NNMT: variants seen among roughly 807,000 people sequenced by gnomAD.
NNMT encodes the protein nicotinamide N-methyltransferase.
In NNMT, 10 loss-of-function variants were observed where a neutral mutation model predicts 11.7. The ratio of observed to expected loss-of-function variants is 0.85; its 90% confidence interval spans 0.53 to 1.45. The LOEUF is 1.45. Ranked by LOEUF, NNMT falls within the 40% of genes most tolerant of loss-of-function variation. The pLI is 0.00. For synonymous variants in NNMT, 143 were observed against 133.8 expected (o/e 1.07, Z -0.48); for missense variants, 381 against 319.4 (o/e 1.19, Z -1.47).
rs151296422 is a variant in NNMT at position 114,312,575 on chromosome 11, G to T, written c.*98G>T. On this transcript the variant is annotated 3_prime_UTR_variant, in exon 3 of 3. Transcript: ENST00000299964. ...GTCATGTGCTGAGTAGAGGCTCAGTGGTTGGGGCCCAATGGTTCATCTAGG... is the reference window on the plus strand; with the variant it reads ...GTCATGTGCTGAGTAGAGGCTCAGTTGTTGGGGCCCAATGGTTCATCTAGG... 5 of 1,230,478 alleles carry T rather than the reference G, an allele frequency of 4.1e-6. No individual in the cohort carries two copies. In the Admixed American group the frequency reaches 7.9e-5, roughly 20 times the overall value. 76.2% of individuals were successfully genotyped at this position (1,230,478 alleles called of 1,614,324 possible).
chr11:114,262,181 T>A (rs1423868659), intron 1 of NNMT, among the ~76,000 whole-genome samples: 1 of 152,190 alleles, frequency 6.6e-6, no homozygotes, highest in Non-Finnish European at 1.5e-5. Flanking sequence ...CTGCCCTTTT[T>A]AAATTTTATT....
At chr11:114,283,409 G>A (rs987895272) in intron 2 of NNMT, among the ~76,000 whole-genome samples, 4 of 152,160 alleles carry the variant, frequency 2.6e-5, no homozygotes, top group Non-Finnish European at 4.4e-5. Flanking sequence ...ACAAATATAT[G>A]CATACACAGC....
chr11:114,288,970 G>T (rs2604295), intron 2 of NNMT, among the ~76,000 whole-genome samples: 148,276 of 152,228 alleles, frequency 0.97, 72,326 homozygotes, highest in East Asian at 1. Flanking sequence ...TTCTCTTTTT[G>T]TATTCTCTGA....
In NNMT at chr11:114,312,088, A is replaced by G; in HGVS notation, c.406A>G (p.Lys136Glu). The G allele has an allele frequency of 6.3e-7, 1 of 1,598,314 alleles. No homozygotes were observed. ...EKEEKLRQAVKQVLKCDVTQS... is the reference protein window; with the variant it reads ...EKEEKLRQAVEQVLKCDVTQS... ...GGAGGAGAAGTTGAGACAGGCGGTCAAGCAGGTGCTGAAGTGTGATGTGAC... is the reference window on the plus strand; with the variant it reads ...GGAGGAGAAGTTGAGACAGGCGGTCGAGCAGGTGCTGAAGTGTGATGTGAC... The change falls in exon 3 of 3, where the codon AAG becomes GAG. Residue 136 changes from lysine (K) to glutamate (E), a missense_variant. Physicochemically the swap from Lys to Glu is moderately conservative, Grantham distance 56. Transcript: ENST00000299964.
rs769335530 is a variant in NNMT at position 114,298,031 on chromosome 11, A to G, written c.235A>G (p.Lys79Glu). 6.2e-7 allele frequency: 1 copy of G among 1,614,014 alleles called. No individual in the cohort carries two copies. The highest frequency in any genetic ancestry group is 8.5e-7 in the Non-Finnish European group (1 of 1,180,004). ...YQLLSACESF[K>E]EIVVTDYSDQ... is the part of the protein sequence containing the mutation. Reference sequence around the variant, plus strand: ...GCTCCTCTCTGCTTGTGAATCCTTTAAGGAGATCGTCGTCACTGACTACTC... The same window carrying G: ...GCTCCTCTCTGCTTGTGAATCCTTTGAGGAGATCGTCGTCACTGACTACTC... The change falls in exon 2 of 3, where the codon AAG becomes GAG. Residue 79 changes from lysine to glutamate, a missense_variant. Lys to Glu is a moderately conservative substitution (Grantham distance 56). Transcript: ENST00000299964.
intron 2 of NNMT, among the ~76,000 whole-genome samples, chr11:114,291,379 T>C (rs1199794875): frequency 6.6e-6 from 1 of 152,254 alleles, no homozygotes; most frequent in East Asian, 1.9e-4. Flanking sequence ...ATTTACAAAT[T>C]GGATTTTGCA....
At chr11:114,307,470 CCT>C (rs560082927) in intron 2 of NNMT, among the ~76,000 whole-genome samples, 228 of 152,274 alleles carry the variant, frequency 1.5e-3, no homozygotes, top group African/African-American at 5.2e-3. Flanking sequence ...CTCAGCTACC[CCT>C]GTCTCCCTCC....
At chr11:114,282,989 A>C (rs1236545867) in intron 2 of NNMT, among the ~76,000 whole-genome samples, 1 of 152,240 alleles carries the variant, frequency 6.6e-6, no homozygotes, top group East Asian at 1.9e-4. Flanking sequence ...ACTAGCAAAA[A>C]TTAGTATAGC....
chr11:114,281,213 C>G (rs1028142622), intron 2 of NNMT, among the ~76,000 whole-genome samples: 7 of 152,156 alleles, frequency 4.6e-5, no homozygotes, highest in Admixed American at 1.3e-4. Flanking sequence ...GGACCAATTG[C>G]AGCAGATGGG....
At chr11:114,263,983 AGC>A (rs1945102222) in intron 2 of NNMT, among the ~76,000 whole-genome samples, 1 of 152,118 alleles carries the variant, frequency 6.6e-6, no homozygotes, top group Non-Finnish European at 1.5e-5. Flanking sequence ...GCCACTGACA[AGC>A]CTGATAAAGT....
chr11:114,264,744 G>A (rs1182790969), intron 2 of NNMT, among the ~76,000 whole-genome samples: 2 of 152,192 alleles, frequency 1.3e-5, no homozygotes, highest in Non-Finnish European at 2.9e-5. Flanking sequence ...CCTCCTCATT[G>A]GGTTTGATTA....
chr11:114,286,081 T>C (rs760463901), intron 2 of NNMT, among the ~76,000 whole-genome samples: 2 of 152,194 alleles, frequency 1.3e-5, no homozygotes, highest in African/African-American at 2.4e-5. Context: ...TTTGCAGAGA[T>C]CGTTGTTTAT....
At chr11:114,286,565 AAAAGG>A (rs1945301721) in intron 2 of NNMT, among the ~76,000 whole-genome samples, 1 of 152,224 alleles carries the variant, frequency 6.6e-6, no homozygotes, top group Non-Finnish European at 1.5e-5. Flanking sequence ...AGATTGAATA[AAAAGG>A]AAGTCTTTCT....
At chr11:114,260,865 T>C (rs987652778) in intron 1 of NNMT, among the ~76,000 whole-genome samples, 2 of 152,196 alleles carry the variant, frequency 1.3e-5, no homozygotes, top group Non-Finnish European at 2.9e-5. Flanking sequence ...CGAGGGGACC[T>C]GGGTTTGAGG....
At chr11:114,292,979 A>G (rs1041934496), upstream of NNMT, among the ~76,000 whole-genome samples, 5 of 152,344 alleles carry the variant, frequency 3.3e-5, no homozygotes, top group South Asian at 2.1e-4. Context: ...GAATAGTAAA[A>G]TACGTACTGT....
chr11:114,269,176 A>C (rs1238500628), intron 2 of NNMT, among the ~76,000 whole-genome samples: 3 of 152,250 alleles, frequency 2.0e-5, no homozygotes, highest in African/African-American at 7.2e-5. Context: ...GCTCTTATAC[A>C]TCAACCTATT....
At chr11:114,259,022 G>C (rs1945052968) in intron 1 of NNMT, among the ~76,000 whole-genome samples, 2 of 152,216 alleles carry the variant, frequency 1.3e-5, no homozygotes, top group Admixed American at 1.3e-4. Flanking sequence ...ATTAGGCATA[G>C]AGTCTCTATA....
chr11:114,278,931 G>T (rs1241057172), intron 2 of NNMT, among the ~76,000 whole-genome samples: 2 of 152,218 alleles, frequency 1.3e-5, no homozygotes, highest in Non-Finnish European at 2.9e-5. Context: ...AGGCACATGT[G>T]CAGGGTTTCC....
upstream of NNMT, among the ~76,000 whole-genome samples, chr11:114,295,419 CTTTTTT>C (rs35621813): frequency 9.8e-3 from 837 of 84,994 alleles, 10 homozygotes; most frequent in African/African-American, 0.036. Context: ...TTAAAGAATT[CTTTTTT>C]TTTTTTTTTT....
Sources: gnomAD v4.1 joint callset for allele counts (sites outside exome capture counted in the v4.1 genomes callset) on GRCh38, gnomAD v4.1.1 for gene constraint, MANE v1.5 for transcripts, NCBI Gene and HGNC (gene_info 2026-07-23, HGNC 2026-07-21) for gene names.